Variants in MON2 observed in about 807,000 individuals in gnomAD.
MON2 encodes the protein protein MON2 homolog.
MON2 carries 84 observed loss-of-function variants against 208.6 expected under a neutral mutation model. The observed-to-expected ratio is 0.40, with a 90% CI of 0.34 to 0.48. The LOEUF (loss-of-function observed/expected upper bound fraction) is 0.48, where lower values mean the gene tolerates loss of function less well. Ranked by LOEUF, MON2 falls within the 20% of genes least tolerant of loss-of-function variation. The pLI, the probability that MON2 is intolerant of heterozygous loss-of-function variation, is 0.59. For synonymous variants in MON2, 660 were observed against 694.0 expected (o/e 0.95, Z 0.77); for missense variants, 1,611 against 2,015.4 (o/e 0.80, Z 3.84).
chr12:62,490,809 T>C (rs2070087126), intron 2 of MON2, among the ~76,000 whole-genome samples: 1 of 152,184 alleles, frequency 6.6e-6, no homozygotes. Context: ...TTGATTCCTT[T>C]GAATTACATT....
intron 12 of MON2, among the ~76,000 whole-genome samples, 175 bp from the exon 13 acceptor site, chr12:62,534,670 C>T (rs1017107091): frequency 4.1e-5 from 6 of 146,468 alleles, no homozygotes; most frequent in Admixed American, 2.8e-4. Context: ...AACTATAGTA[C>T]GGCTTCTGAG....
intron 1 of MON2, among the ~76,000 whole-genome samples, chr12:62,483,639 C>T (rs565733615): frequency 1.3e-5 from 2 of 152,260 alleles, no homozygotes; most frequent in Admixed American, 1.3e-4. Flanking sequence ...TGGCTTGAAC[C>T]AGGGAGGCGG....
chr12:62,517,012 A>G (rs1158586862), intron 8 of MON2, among the ~76,000 whole-genome samples: 3 of 152,234 alleles, frequency 2.0e-5, no homozygotes, highest in Non-Finnish European at 4.4e-5. Flanking sequence ...TTAAGGGCCA[A>G]TGTAGTTGCC....
At position 62,596,732 on chromosome 12, in the gene MON2, TA is replaced by T. The variant is rs1565729304; in HGVS notation, c.*3986del. 6.6e-6 allele frequency: 1 copy of T among 152,244 alleles called. No homozygotes were observed. The highest frequency in any genetic ancestry group is 1.5e-5 in the Non-Finnish European group (1 of 68,040). 9.4% of individuals were successfully genotyped at this position (152,244 alleles called of 1,614,324 possible). A position where few individuals can be genotyped will look rare whatever the true frequency, so the allele number is the denominator to read the frequency against. On this transcript the variant is annotated 3_prime_UTR_variant, in exon 35 of 35. Coordinates refer to ENST00000393630, the MANE Select transcript of MON2 (RefSeq NM_015026.3). ...TTTAATACTTCATGATCACTTGAAT[TA>T]AAGTTTTTGTATCTCTGGAAAGTAG... is the stretch of plus-strand genomic sequence containing the variant.
intron 1 of MON2, among the ~76,000 whole-genome samples, chr12:62,474,744 G>A (rs2068978433): frequency 6.6e-6 from 1 of 152,156 alleles, no homozygotes; most frequent in Non-Finnish European, 1.5e-5. Flanking sequence ...TCTTGTAATT[G>A]AACTGGTCTT....
At chr12:62,498,566 T>C (rs1592876588) in intron 4 of MON2, among the ~76,000 whole-genome samples, 1 of 152,244 alleles carries the variant, frequency 6.6e-6, no homozygotes, top group Non-Finnish European at 1.5e-5. Flanking sequence ...TATTTATTTA[T>C]GTGCTTAGCA....
At chr12:62,557,928 T>TTTTATATATATATATA (rs1555174418) in intron 25 of MON2, among the ~76,000 whole-genome samples, 2 of 46,130 alleles carry the variant, frequency 4.3e-5, no homozygotes, top group Admixed American at 3.8e-4. Context: ...ACGAATAGAT[T>TTTTATATATATATATA]TATATATATA....
In MON2 at chr12:62,594,887, A is replaced by G. The variant is rs2075491976; in HGVS notation, c.*2138A>G. 1 of 152,194 alleles carries G rather than the reference A, an allele frequency of 6.6e-6. No homozygotes were observed. The highest frequency in any genetic ancestry group is 6.5e-5 in the Admixed American group (1 of 15,280). 9.4% of individuals were successfully genotyped at this position (152,194 alleles called of 1,614,324 possible). On this transcript the variant is annotated 3_prime_UTR_variant, in exon 35 of 35. Transcript: ENST00000393630. ...TAATTGGACAGGATTTTCCTCCAGA[A>G]TATTTCCTGTCACCCTCCAAGAGTC...
In MON2 at chr12:62,597,700, G is replaced by C. The variant is rs1231302676; in HGVS notation, c.*4951G>C. 1.3e-5 allele frequency: 2 copies of C among 152,168 alleles called. No individual in the cohort carries two copies. The highest frequency in any genetic ancestry group is 2.9e-5 in the Non-Finnish European group (2 of 68,038). 9.4% of individuals were successfully genotyped at this position (152,168 alleles called of 1,614,324 possible). ...AATTTGGAATAATCATGTCTTTTCT[G>C]TTATGTGGGTAGAGAGATTATATAT... On this transcript the variant is annotated 3_prime_UTR_variant, in exon 35 of 35. Transcript: ENST00000393630.
chr12:62,560,419 T>C, intron 25 of MON2, 72 bp from the exon 26 acceptor site: 1 of 1,430,552 alleles, frequency 7.0e-7, no homozygotes, highest in Non-Finnish European at 9.4e-7. Context: ...AAATATGCTT[T>C]CAAGTGTCTA....
At chr12:62,544,067 G>T (rs2073367982) in intron 20 of MON2, among the ~76,000 whole-genome samples, 3 of 152,200 alleles carry the variant, frequency 2.0e-5, no homozygotes, top group Admixed American at 2.0e-4. Context: ...GCTTCTGCCA[G>T]TATGTGTGTT....
chr12:62,588,021 A>G, intron 33 of MON2, 53 bp from the exon 34 acceptor site: 2 of 1,207,334 alleles, frequency 1.7e-6, no homozygotes, highest in South Asian at 1.3e-5. Flanking sequence ...AAAAACAAAC[A>G]TACCTGGCAA....
chr12:62,506,710 A>G lies in MON2; in HGVS notation c.790-1576A>G, dbSNP rs1376514077. 6.9e-5 allele frequency among the ~76,000 whole-genome samples: 10 copies of G among 144,006 alleles called. No individual in the cohort carries two copies. The East Asian group carries it at 2.0e-3, about 29-fold the overall frequency. 94.5% of individuals were successfully genotyped at this position (144,006 alleles called of 152,430 possible). ...CATTGCACTCCAGCCTGGGTAACAG[A>G]GTGAAACTCCATCTCAAAAAAAAAA... On this transcript the variant is annotated intron_variant, in intron 7 of 34. Transcript: ENST00000393630.
intron 8 of MON2, among the ~76,000 whole-genome samples, chr12:62,515,628 C>T (rs1321490633): frequency 3.3e-5 from 5 of 152,202 alleles, no homozygotes; most frequent in Non-Finnish European, 7.4e-5. Context: ...CCTTGGCCAA[C>T]ATGGTGAAAC....
rs1283874187 is a variant in MON2 at position 62,556,156 on chromosome 12, A to C, written c.3373A>C (p.Ile1125Leu). 6.2e-7 allele frequency: 1 copy of C among 1,613,938 alleles called. No homozygotes were observed. The highest frequency in any genetic ancestry group is 8.5e-7 in the Non-Finnish European group (1 of 1,179,990). The change falls in exon 25 of 35, where the codon ATC (isoleucine) becomes CTC (leucine). Residue 1125 changes from isoleucine to leucine, a missense_variant. Ile to Leu is a conservative substitution (Grantham distance 5). Coordinates refer to ENST00000393630, the MANE Select transcript of MON2 (RefSeq NM_015026.3). ...WVLTLAGVAR[I>L]FNTRRYLLQP... ...ATTAACATTGGCTGGAGTAGCAAGG[A>C]TCTTCAACACTAGAAGATATTTGCT...
At position 62,525,114 on chromosome 12, in the gene MON2, G is replaced by A. The variant is rs150576914; in HGVS notation, c.1140G>A (p.Gln380=). The A allele has an allele frequency of 1.1e-4, 178 of 1,611,242 alleles. No homozygotes were observed. In the African/African-American group the frequency reaches 1.9e-3, roughly 17 times the overall value. Residue 380 remains glutamine (Q), a synonymous_variant, in exon 10 of 35, where the codon CAG becomes CAA. Coordinates refer to ENST00000393630, the MANE Select transcript of MON2 (RefSeq NM_015026.3). ...RSFCQSYDMK[Q]HSTKVFRDIV... The stretch of plus-strand genomic sequence containing the variant: ...TTTGTCAGTCCTATGATATGAAACA[G>A]CATTCTACCAAGGTTTTTCGTGATA...
intron 31 of MON2, 67 bp downstream of exon 31, chr12:62,578,572 CTA>C (rs2074879958): frequency 4.1e-6 from 4 of 983,088 alleles, no homozygotes. Flanking sequence ...AATGTTTGAA[CTA>C]TACAGTTGCT....
At position 62,508,736 on chromosome 12, in the gene MON2, G is replaced by C. The variant is rs1162849856; in HGVS notation, c.984+256G>C. 3 of 376,608 alleles carry C rather than the reference G, an allele frequency of 8.0e-6. No individual in the cohort carries two copies. The East Asian group carries it at 1.3e-4, about 17-fold the overall frequency. The allele number at this position is 376,608 out of a possible 1,614,324, so 23.3% of individuals were successfully genotyped here. On this transcript the variant is annotated intron_variant, in intron 8 of 34. Transcript: ENST00000393630. ...AGCCAGCATAGGAATTGTCGTTTTG[G>C]AACTCAGCTTCTTAGCTAATTGTCT...
At chr12:62,484,003 G>A (rs541395477) in intron 1 of MON2, among the ~76,000 whole-genome samples, 167 bp from the exon 2 acceptor site, 8 of 152,134 alleles carry the variant, frequency 5.3e-5, no homozygotes, top group South Asian at 2.1e-4. Context: ...TACATTTAAC[G>A]TATATGTCAC....
Sources: gnomAD v4.1 joint callset for allele counts (sites outside exome capture counted in the v4.1 genomes callset) on GRCh38, gnomAD v4.1.1 for gene constraint, MANE v1.5 for transcripts, NCBI Gene and HGNC (gene_info 2026-07-23, HGNC 2026-07-21) for gene names.